Variants in RNF114 observed in about 807,000 individuals in gnomAD.
RNF114 encodes ring finger protein 114, also known as E3 ubiquitin-protein ligase RNF114.
Under a neutral mutation model 28.4 loss-of-function variants are expected in RNF114, and 6 were observed. The observed-to-expected ratio is 0.21, with a 90% CI of 0.12 to 0.42. The LOEUF is 0.42. RNF114 is among the 10% of genes least tolerant of loss of function. RNF114 has a pLI of 1.00. For missense variants in RNF114, 249 were observed against 311.7 expected, an observed-to-expected ratio of 0.80 and a Z score of 1.51; for synonymous variants, 115 against 116.7, an observed-to-expected ratio of 0.99 and a Z score of 0.09.
chr20:49,938,616 A>G (rs1172571337), intron 1 of RNF114, among the ~76,000 whole-genome samples: 2 of 152,168 alleles, frequency 1.3e-5, no homozygotes, highest in Non-Finnish European at 2.9e-5. Context: ...AGAGAAGGGA[A>G]TTTCTTCCTA....
rs1295064029 is a variant in RNF114 at position 49,952,207 on chromosome 20, T to A, written c.*66T>A. ...TCCATTACATATTAAACGTGAAATC[T>A]ATGACTCCTGTACCTTACCTGTTCA... On this transcript the variant is annotated 3_prime_UTR_variant, in exon 6 of 6. Transcript: ENST00000244061. 10 of 1,373,226 alleles carry A rather than the reference T, an allele frequency of 7.3e-6. No individual in the cohort carries two copies. The highest frequency in any genetic ancestry group is 1.0e-5 in the Non-Finnish European group (10 of 960,300). 85.1% of individuals were successfully genotyped at this position (1,373,226 alleles called of 1,614,324 possible). A position where few individuals can be genotyped will look rare whatever the true frequency, so the allele number is the denominator to read the frequency against.
At chr20:49,941,376 G>A (rs2090307124) in intron 1 of RNF114, among the ~76,000 whole-genome samples, 185 bp from the exon 2 acceptor site, 1 of 152,214 alleles carries the variant, frequency 6.6e-6, no homozygotes, top group Non-Finnish European at 1.5e-5. Context: ...GTAGTTGTGT[G>A]TTCTTTGTAG....
At chr20:49,949,923 G>A (rs1378437035) in intron 5 of RNF114, among the ~76,000 whole-genome samples, 1 of 150,738 alleles carries the variant, frequency 6.6e-6, no homozygotes, top group African/African-American at 2.4e-5. Context: ...GATTACAGGC[G>A]TGAGCCACCA....
chr20:49,944,582 T>C (rs961872117), intron 2 of RNF114: 8 of 152,198 alleles, frequency 5.3e-5, no homozygotes, highest in Non-Finnish European at 8.8e-5. Flanking sequence ...ACAGCCTAGA[T>C]TTTATATGAA....
chr20:49,950,017 C>A (rs1217952843), intron 5 of RNF114, among the ~76,000 whole-genome samples: 1 of 147,554 alleles, frequency 6.8e-6, no homozygotes, highest in African/African-American at 2.5e-5. Context: ...TTTGGGAGGC[C>A]GAGGTGGGCG....
intron 1 of RNF114, among the ~76,000 whole-genome samples, chr20:49,938,272 C>T (rs527855888): frequency 4.3e-4 from 66 of 152,160 alleles, no homozygotes; most frequent in Non-Finnish European, 7.6e-4. Flanking sequence ...CTTGGTGAAC[C>T]TTTCCTAGGT....
In RNF114 at chr20:49,952,393, G is replaced by A; in HGVS notation, c.*252G>A. 2 of 536,568 alleles carry A rather than the reference G, an allele frequency of 3.7e-6. No homozygotes were observed. Among genetic ancestry groups the A allele is most frequent in the South Asian group, 5.6e-5 (2 of 35,818 alleles). The allele number at this position is 536,568 out of a possible 1,614,324, so 33.2% of individuals were successfully genotyped here. Reference sequence around the variant, plus strand: ...ACGGTCGAGTTCGTATTGGTTCTCGGCTACTTCCTGGAGCTTCTGCCGCCT... The same window carrying A: ...ACGGTCGAGTTCGTATTGGTTCTCGACTACTTCCTGGAGCTTCTGCCGCCT... On this transcript the variant is annotated 3_prime_UTR_variant, in exon 6 of 6. Transcript: ENST00000244061.
intron 4 of RNF114, among the ~76,000 whole-genome samples, chr20:49,948,867 G>A (rs2090345258): frequency 6.6e-6 from 1 of 152,172 alleles, no homozygotes; most frequent in Non-Finnish European, 1.5e-5. Flanking sequence ...TAAGATGCAT[G>A]TAAGGCTGTG....
intron 1 of RNF114, among the ~76,000 whole-genome samples, chr20:49,937,477 G>A (rs1222233861): frequency 6.6e-6 from 1 of 152,156 alleles, no homozygotes. Flanking sequence ...CCACCCTGCA[G>A]CGGGGGAGGG....
chr20:49,940,012 C>A (rs1468225922), intron 1 of RNF114, among the ~76,000 whole-genome samples: 1 of 140,308 alleles, frequency 7.1e-6, no homozygotes, highest in Non-Finnish European at 1.5e-5. Flanking sequence ...CGAGATTGCA[C>A]CATTGCACTT....
In RNF114 at chr20:49,936,429, G is replaced by A. The variant is rs1409586950; in HGVS notation, c.17G>A (p.Arg6Gln). The change falls in exon 1 of 6, where the codon CGG becomes CAG. Residue 6 changes from arginine (R) to glutamine (Q), a missense_variant. Around this residue, in one of 2 missense-constraint regions of RNF114, gnomAD observed 123 missense variants for 106.4 expected, o/e 1.16. Transcript: ENST00000244061. MAAQQRDCGGAAQLAG... is the reference protein window; with the variant it reads MAAQQQDCGGAAQLAG... ...GGCAGCAAGATGGCGGCGCAACAGC[G>A]GGACTGCGGGGGTGCTGCGCAGCTG... 6.6e-7 allele frequency: 1 copy of A among 1,522,648 alleles called. No homozygotes were observed. Among genetic ancestry groups the A allele is most frequent in the South Asian group, 1.2e-5 (1 of 81,140 alleles). 94.3% of individuals were successfully genotyped at this position (1,522,648 alleles called of 1,614,324 possible).
At position 49,952,968 on chromosome 20, in the gene RNF114, A is replaced by T. The variant is rs2090361222; in HGVS notation, c.*827A>T. The T allele has an allele frequency of 6.6e-6, 1 of 152,408 alleles. No individual in the cohort carries two copies. The highest frequency in any genetic ancestry group is 2.1e-4 in the South Asian group (1 of 4,832). The allele number at this position is 152,408 out of a possible 1,614,324, so 9.4% of individuals were successfully genotyped here. ...ACAACGCGGTCATGTTTACCTCTCC[A>T]TTTGGGAGCCTGCCTACATTCTTGT... On this transcript the variant is annotated 3_prime_UTR_variant, in exon 6 of 6. Transcript: ENST00000244061.
Sources: allele counts gnomAD v4.1 joint callset (sites outside exome capture counted in the v4.1 genomes callset), GRCh38; gene constraint gnomAD v4.1.1; regional missense constraint gnomAD v4.1.1; transcripts MANE v1.5; gene names NCBI Gene and HGNC (gene_info 2026-07-23, HGNC 2026-07-21).